NCOR1: variants seen among roughly 807,000 people sequenced by gnomAD.
The protein encoded by NCOR1 is nuclear receptor corepressor 1.
NCOR1 carries 63 observed loss-of-function variants against 288.1 expected under a neutral mutation model. The observed-to-expected ratio is 0.22, with a 90% CI of 0.18 to 0.27. The LOEUF is 0.27. Ranked by LOEUF, NCOR1 falls within the 10% of genes least tolerant of loss-of-function variation. NCOR1 has a pLI of 1.00. For synonymous variants in NCOR1, 1,007 were observed against 1,065.9 expected, an observed-to-expected ratio of 0.94 and a Z score of 1.08; for missense variants, 2,397 against 3,019.2, an observed-to-expected ratio of 0.79 and a Z score of 4.83.
intron 31 of NCOR1, chr17:16,068,467 G>A: frequency 4.2e-6 from 1 of 238,240 alleles, no homozygotes; most frequent in Non-Finnish European, 8.3e-6. Flanking sequence ...AAATTCTTTT[G>A]TCCCCACATG....
chr17:16,139,223 A>C, intron 11 of NCOR1, 37 bp from the exon 12 acceptor site: 1 of 1,577,178 alleles, frequency 6.3e-7, no homozygotes. Context: ...AATAAAACAT[A>C]AACTAGAAAT....
At chr17:16,162,526 T>A (rs1244720179) in intron 5 of NCOR1, among the ~76,000 whole-genome samples, 2 of 148,536 alleles carry the variant, frequency 1.3e-5, no homozygotes, top group African/African-American at 4.9e-5. Context: ...AAGAAAAGAA[T>A]ATACTGAAAA....
Position 16,108,850 on chromosome 17 carries a change from A to C in NCOR1, c.2118T>G (p.Val706=), listed in dbSNP as rs1466001614. Residue 706 remains valine, a synonymous_variant, in exon 19 of 46, where the codon GTT becomes GTG. Transcript: ENST00000268712. ...VSQCESVAST[V]SAQEDEDIEA... ...CAATATCTTCATCCTCCTGAGCAGA[A>C]ACAGTGGAAGCGACACTTTCACATT... 1 of 1,607,776 alleles carries C rather than the reference A, an allele frequency of 6.2e-7. No individual in the cohort carries two copies. Among genetic ancestry groups the C allele is most frequent in the Non-Finnish European group, 8.5e-7 (1 of 1,176,136 alleles).
intron 44 of NCOR1, among the ~76,000 whole-genome samples, chr17:16,035,530 C>CTTTT (rs966987249): frequency 5.1e-5 from 6 of 118,328 alleles, no homozygotes; most frequent in Admixed American, 1.7e-4. Flanking sequence ...TTCTCTTGTT[C>CTTTT]TTTTTTTTTT....
intron 1 of NCOR1, among the ~76,000 whole-genome samples, 168 bp from the exon 2 acceptor site, chr17:16,194,807 ATT>A (rs2089401579): frequency 6.6e-6 from 1 of 152,320 alleles, no homozygotes; most frequent in East Asian, 1.9e-4. Context: ...TTAATGCATC[ATT>A]TCTTTTTATA....
chr17:16,038,327 T>C (rs2151948909), intron 44 of NCOR1, among the ~76,000 whole-genome samples: 1 of 152,350 alleles, frequency 6.6e-6, no homozygotes, highest in African/African-American at 2.4e-5. Flanking sequence ...GCAACTCTTA[T>C]CTGGCTATCC....
rs1175052821 is a variant in NCOR1, at chr17:16,127,198, CAT to C, written c.1510-994_1510-993del. Among the ~76,000 whole-genome samples the C allele has an allele frequency of 3.8e-5, 5 of 130,134 alleles. 1 individual carries two copies. The highest frequency in any genetic ancestry group is 1.4e-4 in the African/African-American group (4 of 29,304). 85.4% of individuals were successfully genotyped at this position (130,134 alleles called of 152,430 possible). A position where few individuals can be genotyped will look rare whatever the true frequency, so the allele number is the denominator to read the frequency against. ...ATGTATATATCTGTATGTATATATACATGTATGTATATATCTGTATGTATATA... is the reference window on the plus strand; with the variant it reads ...ATGTATATATCTGTATGTATATATACGTATGTATATATCTGTATGTATATA... On this transcript the variant is annotated intron_variant, in intron 14 of 45. Transcript: ENST00000268712.
chr17:16,071,934 G>A (rs548626950), intron 29 of NCOR1, among the ~76,000 whole-genome samples: 8 of 152,190 alleles, frequency 5.3e-5, no homozygotes, highest in African/African-American at 1.4e-4. Flanking sequence ...AATGGTTCTT[G>A]CATAATAAAG....
chr17:16,143,736 TTATA>T, intron 10 of NCOR1, 40 bp from the exon 11 acceptor site: 1 of 1,414,246 alleles, frequency 7.1e-7, no homozygotes, highest in Non-Finnish European at 9.8e-7. Context: ...TTTAAAGACC[TTATA>T]TAAAGACATA....
intron 1 of NCOR1, among the ~76,000 whole-genome samples, chr17:16,196,787 TGC>T (rs2089903237): frequency 1.5e-5 from 2 of 136,680 alleles, no homozygotes; most frequent in Non-Finnish European, 3.0e-5. Context: ...ATCGGGCCAC[TGC>T]ATGCCAGCCT....
Position 16,106,854 on chromosome 17 carries a change from CATATATAT to C in NCOR1, c.2182+1924_2182+1931del, listed in dbSNP as rs1162344281. 1.9e-3 allele frequency among the ~76,000 whole-genome samples: 86 copies of C among 46,148 alleles called. 2 individuals carry two copies. The highest frequency in any genetic ancestry group is 7.7e-3 in the African/African-American group (73 of 9,428). 30.3% of individuals were successfully genotyped at this position (46,148 alleles called of 152,430 possible). A position where few individuals can be genotyped will look rare whatever the true frequency, so the allele number is the denominator to read the frequency against. Reference sequence around the variant, plus strand: ...TGGTGCCACCCTACACTTGATCAGACATATATATATATATATATATATATATATATTTT... The same window carrying C: ...TGGTGCCACCCTACACTTGATCAGACATATATATATATATATATATATTTT... On this transcript the variant is annotated intron_variant, in intron 19 of 45. Coordinates refer to ENST00000268712, the MANE Select transcript of NCOR1 (RefSeq NM_006311.4).
At chr17:16,139,310 A>AT (rs1052627609) in intron 11 of NCOR1, 124 bp from the exon 12 acceptor site, 5 of 621,210 alleles carry the variant, frequency 8.0e-6, no homozygotes, top group Non-Finnish European at 1.1e-5. Flanking sequence ...ATAGCAGTGT[A>AT]TACCACAGCA....
intron 17 of NCOR1, among the ~76,000 whole-genome samples, chr17:16,118,413 A>G (rs141684299): frequency 4.6e-5 from 7 of 152,352 alleles, no homozygotes; most frequent in African/African-American, 1.7e-4. Context: ...TATAAATGAT[A>G]AACACAATTT....
chr17:16,189,032 C>CA (rs935824120), intron 2 of NCOR1, among the ~76,000 whole-genome samples: 60 of 147,212 alleles, frequency 4.1e-4, no homozygotes, highest in African/African-American at 1.3e-3. Context: ...CTCAAAAAAA[C>CA]AAAAAAAAAT....
chr17:16,066,828 T>C (rs1300410734), intron 32 of NCOR1, among the ~76,000 whole-genome samples: 1 of 152,218 alleles, frequency 6.6e-6, no homozygotes. Flanking sequence ...AAATAACCCT[T>C]AGAATTCTTA....
intron 21 of NCOR1, among the ~76,000 whole-genome samples, chr17:16,094,755 CG>C (rs1490633934): frequency 6.6e-6 from 1 of 152,156 alleles, no homozygotes; most frequent in Non-Finnish European, 1.5e-5. Context: ...TTGGTGGAGA[CG>C]GGGTTTCGCT....
rs2065472746 is a variant in NCOR1, at chr17:16,092,672, TATATATATATATATA to T, written c.2821-629_2821-615del. ...TTATATATATATATATATATATATA[TATATATATATATATA>T]TATATATATTTTTTTTTTTTTTTTT... On this transcript the variant is annotated intron_variant, in intron 21 of 45. Coordinates refer to ENST00000268712, the MANE Select transcript of NCOR1 (RefSeq NM_006311.4). 4.1e-4 allele frequency among the ~76,000 whole-genome samples: 7 copies of T among 17,066 alleles called. 1 individual carries two copies. Among genetic ancestry groups the T allele is most frequent in the African/African-American group, 6.1e-4 (2 of 3,260 alleles). 11.2% of individuals were successfully genotyped at this position (17,066 alleles called of 152,430 possible). A position where few individuals can be genotyped will look rare whatever the true frequency, so the allele number is the denominator to read the frequency against.
chr17:16,065,226 G>A (rs2060982830), intron 33 of NCOR1, among the ~76,000 whole-genome samples: 1 of 152,038 alleles, frequency 6.6e-6, no homozygotes, highest in South Asian at 2.1e-4. Flanking sequence ...TCAAAGTATG[G>A]GCAGATTAAA....
chr17:16,042,894 CA>C (rs1170927805), intron 42 of NCOR1, among the ~76,000 whole-genome samples: 35 of 152,232 alleles, frequency 2.3e-4, no homozygotes, highest in Middle Eastern at 3.4e-3. Context: ...AGCTGGGCTA[CA>C]GATACAAATT....
Sources: gnomAD v4.1 joint callset for allele counts (sites outside exome capture counted in the v4.1 genomes callset) on GRCh38, gnomAD v4.1.1 for gene constraint, MANE v1.5 for transcripts, NCBI Gene and HGNC (gene_info 2026-07-23, HGNC 2026-07-21) for gene names.